The following SH3TC1 variants were observed in gnomAD, a reference collection of about 807,000 sequenced individuals.
The protein encoded by SH3TC1 is SH3 domain and tetratricopeptide repeat-containing protein 1.
Under a neutral mutation model 117.3 loss-of-function variants are expected in SH3TC1, and 135 were observed. The observed-to-expected ratio is 1.15, with a 90% CI of 1.00 to 1.33. The LOEUF is 1.33. Among genes scored for constraint, SH3TC1 ranks in the 40% most tolerant of loss-of-function variants. The probability of loss-of-function intolerance (pLI) is 0.00; values close to 1 mark genes in which losing one functional copy is unlikely to be tolerated. For missense variants in SH3TC1, 2,092 were observed against 1,794.3 expected (o/e 1.17, Z -3.00); for synonymous variants, 898 against 816.9 (o/e 1.10, Z -1.69).
intron 7 of SH3TC1, 121 bp from the exon 8 acceptor site, chr4:8,218,150 T>TGG: frequency 1.6e-6 from 1 of 614,738 alleles, no homozygotes; most frequent in African/African-American, 1.8e-5. Context: ...GTGTGTGTGT[T>TGG]GGGGGAGGCG....
rs574770936 is a variant in SH3TC1, at chr4:8,235,553, C to G, written c.3403C>G (p.Arg1135Gly). 4 of 1,594,434 alleles carry G rather than the reference C, an allele frequency of 2.5e-6. No homozygotes were observed. The highest frequency in any genetic ancestry group is 1.3e-5 in the African/African-American group (1 of 74,140). ...WEREKAVSFY[R>G]DRALPLAVTT... Reference sequence around the variant, plus strand: ...GCGGGAGAAAGCTGTGTCCTTCTACCGGGTGAGCTGGCCTGTGGGCTGATG... The same window carrying G: ...GCGGGAGAAAGCTGTGTCCTTCTACGGGGTGAGCTGGCCTGTGGGCTGATG... The change falls in exon 15 of 18, where the codon CGG (arginine) becomes GGG (glycine). Residue 1135 changes from arginine to glycine, a missense_variant and splice_region_variant. Arg to Gly is a moderately radical substitution (Grantham distance 125). Coordinates refer to ENST00000245105, the MANE Select transcript of SH3TC1 (RefSeq NM_018986.5).
Position 8,186,035 on chromosome 4 carries a change from C to T in SH3TC1, c.-57+3825C>T, listed in dbSNP as rs779057142. Reference sequence around the variant, plus strand: ...GGGGGACATTGAGCAACATTTCCTACATTTTACGGTGATAGGCAGGAGCTG... The same window carrying T: ...GGGGGACATTGAGCAACATTTCCTATATTTTACGGTGATAGGCAGGAGCTG... On this transcript the variant is annotated intron_variant, in intron 1 of 16. Coordinates refer to the SH3TC1 transcript ENST00000508641. The surrounding 1 kb of genome is among the most constrained non-coding windows in gnomAD (Gnocchi z 5.2). Among the ~76,000 whole-genome samples, 1 of 152,220 alleles carries T rather than the reference C, an allele frequency of 6.6e-6. No homozygotes were observed. Among genetic ancestry groups the T allele is most frequent in the Non-Finnish European group, 1.5e-5 (1 of 68,044 alleles).
In SH3TC1 at chr4:8,225,361, T is replaced by G; in HGVS notation, c.1285+145T>G. 1.1e-6 allele frequency: 1 copy of G among 902,788 alleles called. No homozygotes were observed. The highest frequency in any genetic ancestry group is 1.6e-5 in the South Asian group (1 of 62,144). 55.9% of individuals were successfully genotyped at this position (902,788 alleles called of 1,614,324 possible). The stretch of plus-strand genomic sequence containing the variant: ...TGTGGGCTGGGGGCTTGGGGGAGGT[T>G]GCCTGAGGTGGGCCTGAACCTCCCG... On this transcript the variant is annotated intron_variant, in intron 11 of 17. Coordinates refer to ENST00000245105, the MANE Select transcript of SH3TC1 (RefSeq NM_018986.5). This position sits in a 1 kb window ranked among gnomAD's most constrained non-coding sequence, Gnocchi z 5.5.
At chr4:8,185,267 C>T (rs549162472) in intron 1 of SH3TC1, among the ~76,000 whole-genome samples, 18 of 151,926 alleles carry the variant, frequency 1.2e-4, no homozygotes, top group South Asian at 2.1e-4. Flanking sequence ...ACCCGGGATG[C>T]GGAGGTTGTG....
chr4:8,223,085 C>G (rs1326386327), intron 10 of SH3TC1, 115 bp downstream of exon 10: 3 of 1,398,142 alleles, frequency 2.1e-6, no homozygotes, highest in Non-Finnish European at 2.9e-6. Flanking sequence ...GAAAGGTGAA[C>G]AGACAGAGGC....
In SH3TC1 at chr4:8,214,559, T is replaced by A; in HGVS notation, c.460T>A (p.Phe154Ile). 1 of 1,613,798 alleles carries A rather than the reference T, an allele frequency of 6.2e-7. No individual in the cohort carries two copies. The highest frequency in any genetic ancestry group is 1.1e-5 in the South Asian group (1 of 91,054). ...TFKTFEEIWK[F>I]STYHALGFTH... ...TAAGACTTTTGAAGAAATCTGGAAG[T>A]TTTCCACCTACCATGCTCTCGGTAA... Residue 154 changes from phenylalanine to isoleucine, a missense_variant, in exon 5 of 18, where the codon TTT becomes ATT. Physicochemically the swap from Phe to Ile is conservative, Grantham distance 21. Transcript: ENST00000245105.
In SH3TC1 at chr4:8,216,858, G is replaced by C. The variant is rs1719330309; in HGVS notation, c.629-99G>C. On this transcript the variant is annotated intron_variant, in intron 6 of 17. Transcript: ENST00000245105. ...AGACACTGGGGGGGCCGCTCCTGTG[G>C]GTGTTGCCTTCGTTGTCTGTCCGGC... 1.1e-5 allele frequency: 14 copies of C among 1,244,118 alleles called. No homozygotes were observed. In the South Asian group the frequency reaches 1.3e-4, roughly 12 times the overall value. The allele number at this position is 1,244,118 out of a possible 1,614,324, so 77.1% of individuals were successfully genotyped here.
At chr4:8,215,329 C>A in intron 5 of SH3TC1, 1 of 443,750 alleles carries the variant, frequency 2.3e-6, no homozygotes, top group Non-Finnish European at 4.6e-6. Context: ...CGACACCACC[C>A]TTGATTTGAG....
In SH3TC1 at chr4:8,206,588, C is replaced by T. The variant is rs971641798; in HGVS notation, c.172+1222C>T. ...GAGGCTCAGCAAAGCACCGTGGCATCGCCTCTCCCTGGAGTGAATCTCTGT... is the reference window on the plus strand; with the variant it reads ...GAGGCTCAGCAAAGCACCGTGGCATTGCCTCTCCCTGGAGTGAATCTCTGT... On this transcript the variant is annotated intron_variant, in intron 2 of 17. Coordinates refer to ENST00000245105, the MANE Select transcript of SH3TC1 (RefSeq NM_018986.5). This position sits in a 1 kb window ranked among gnomAD's most constrained non-coding sequence, Gnocchi z 5.5. Among the ~76,000 whole-genome samples, 3 of 152,032 alleles carry T rather than the reference C, an allele frequency of 2.0e-5. No individual in the cohort carries two copies. The highest frequency in any genetic ancestry group is 4.8e-5 in the African/African-American group (2 of 41,400).
chr4:8,216,915 C>T, intron 6 of SH3TC1, 42 bp from the exon 7 acceptor site: 2 of 1,602,254 alleles, frequency 1.2e-6, no homozygotes, highest in South Asian at 2.2e-5. Context: ...ACAGCTGCGC[C>T]CAGTCCGGCC....
chr4:8,219,612 C>T (rs1242696438), intron 9 of SH3TC1, 82 bp downstream of exon 9: 5 of 1,362,396 alleles, frequency 3.7e-6, no homozygotes, highest in Middle Eastern at 5.4e-4. Flanking sequence ...CCTGGCTCCC[C>T]AGGTAACAAG....
intron 14 of SH3TC1, among the ~76,000 whole-genome samples, chr4:8,234,162 T>A (rs62286468): frequency 4.6e-3 from 320 of 69,000 alleles, no homozygotes; most frequent in Middle Eastern, 0.029. Context: ...CCATCCATCC[T>A]TCCATCATCC....
At chr4:8,230,375 A>G (rs1721079614) in intron 12 of SH3TC1, among the ~76,000 whole-genome samples, 1 of 152,080 alleles carries the variant, frequency 6.6e-6, no homozygotes, top group South Asian at 2.1e-4. Context: ...GCCTCAAGCG[A>G]TCCTCCCACC....
At chr4:8,237,269 C>T (rs974927202) in intron 16 of SH3TC1, 3 of 481,066 alleles carry the variant, frequency 6.2e-6, no homozygotes, top group African/African-American at 6.1e-5. Flanking sequence ...CCAAGTCCGA[C>T]TTTGCCAAAG....
rs752915513 is a variant in SH3TC1 at position 8,233,413 on chromosome 4, T to C, written c.3182T>C (p.Ile1061Thr). The change falls in exon 14 of 18, where the codon ATT becomes ACT. Residue 1061 changes from isoleucine to threonine, a missense_variant. By Grantham distance (89) the Ile-to-Thr change is moderately conservative. Coordinates refer to ENST00000245105, the MANE Select transcript of SH3TC1 (RefSeq NM_018986.5). The part of the protein sequence containing the change: ...DYTKRSLGIF[I>T]DLQKKEKEAH... ...ACCAAACGAAGTCTGGGGATTTTCA[T>C]TGACCTCCAGAAGAAAGAGAAGGAG... 15 of 1,613,784 alleles carry C rather than the reference T, an allele frequency of 9.3e-6. No homozygotes were observed. Among genetic ancestry groups the C allele is most frequent in the African/African-American group, 1.3e-5 (1 of 74,926 alleles).
chr4:8,232,604 G>C, intron 13 of SH3TC1: 1 of 1,341,996 alleles, frequency 7.5e-7, no homozygotes, highest in Middle Eastern at 2.1e-4. Flanking sequence ...TGCTTCCCTG[G>C]GGCAGGGTTT....
At position 8,236,258 on chromosome 4, in the gene SH3TC1, C is replaced by G. The variant is rs1322962068; in HGVS notation, c.3406-20C>G. On this transcript the variant is annotated intron_variant, in intron 15 of 17. Transcript: ENST00000245105. ...AGGTGGGTGCTGCGGGAAGCCTGAC[C>G]CCACCTGCCTGTGTGGCAGGACCGG... is the stretch of plus-strand genomic sequence containing the variant. 2.6e-6 allele frequency: 4 copies of G among 1,533,752 alleles called. No individual in the cohort carries two copies. Among genetic ancestry groups the G allele is most frequent in the South Asian group, 1.2e-5 (1 of 82,828 alleles).
At chr4:8,234,754 G>A (rs981393348) in intron 14 of SH3TC1, among the ~76,000 whole-genome samples, 3 of 152,212 alleles carry the variant, frequency 2.0e-5, no homozygotes, top group Non-Finnish European at 4.4e-5. Flanking sequence ...GAGGGCAGAG[G>A]CACAGCCCCT....
At chr4:8,199,079 G>C (rs1717666589), upstream of SH3TC1, among the ~76,000 whole-genome samples, 1 of 152,230 alleles carries the variant, frequency 6.6e-6, no homozygotes, top group African/African-American at 2.4e-5. Flanking sequence ...CTCTACTACA[G>C]AGCCTGGGGG....
Sources: allele counts gnomAD v4.1 joint callset (sites outside exome capture counted in the v4.1 genomes callset), GRCh38; gene constraint gnomAD v4.1.1; non-coding constraint Gnocchi (gnomAD v3.1); transcripts MANE v1.5; gene names NCBI Gene and HGNC (gene_info 2026-07-23, HGNC 2026-07-21).